The following PRKDC variants were observed in gnomAD, a reference collection of about 807,000 sequenced individuals.
PRKDC encodes the protein protein kinase, DNA-activated, catalytic subunit, also known as DNA-dependent protein kinase catalytic subunit.
In PRKDC, 82 loss-of-function variants were observed where a neutral mutation model predicts 486.9. The ratio of observed to expected loss-of-function variants is 0.17; its 90% CI spans 0.14 to 0.20. The LOEUF (loss-of-function observed/expected upper bound fraction) is 0.20. Among genes scored for constraint, PRKDC ranks in the 10% least tolerant of loss-of-function variants. The probability of loss-of-function intolerance (pLI) is 1.00; values close to 1 mark genes in which losing one functional copy is unlikely to be tolerated. For synonymous variants in PRKDC, 1,895 were observed against 1,837.0 expected, an observed-to-expected ratio of 1.03 and a Z score of -0.81; for missense variants, 4,504 against 5,038.2, an observed-to-expected ratio of 0.89 and a Z score of 3.21.
chr8:47,959,538 G>A (rs1356451072), intron 1 of PRKDC, among the ~76,000 whole-genome samples: 10 of 151,938 alleles, frequency 6.6e-5, no homozygotes, highest in Admixed American at 5.9e-4. Flanking sequence ...AATTAGCCGG[G>A]CGTGGTGGCG....
rs180873378 is a variant in PRKDC, at chr8:47,848,370, A to T, written c.7280+784T>A. Among the ~76,000 whole-genome samples the T allele has an allele frequency of 5.9e-5, 9 of 152,314 alleles. No individual in the cohort carries two copies. The East Asian group carries it at 1.2e-3, about 20-fold the overall frequency. ...AGCTGGAGGCCACTGTCCTAAGTGA[A>T]CTAGTACAGAAACAGAAAAGCAAAT... is the stretch of plus-strand genomic sequence containing the variant. On this transcript the variant is annotated intron_variant, in intron 54 of 85. Transcript: ENST00000314191.
rs1175305155 is a variant in PRKDC, at chr8:47,915,385, T to C, written c.2560A>G (p.Arg854Gly). The change falls in exon 23 of 86, where the codon AGA (arginine) becomes GGA (glycine). Residue 854 changes from arginine (R) to glycine (G), a missense_variant. By Grantham distance (125) the Arg-to-Gly change is moderately radical. Around this residue, in one of 6 missense-constraint regions of PRKDC, gnomAD observed 1,969 missense variants for 2,068.9 expected, o/e 0.95. Transcript: ENST00000314191. ...EAISLEEIRI[R>G]VVQMLGSLGG... ...AGAGATCCAAGCATTTGTACTACTC[T>C]AATTCTTATTTCTTCTAAGGATATT... The C allele has an allele frequency of 2.6e-6, 4 of 1,567,026 alleles. No homozygotes were observed. The highest frequency in any genetic ancestry group is 2.6e-6 in the Non-Finnish European group (3 of 1,151,012).
intron 74 of PRKDC, 116 bp from the exon 75 acceptor site, chr8:47,789,354 T>A (rs1250198816): frequency 1.1e-5 from 3 of 283,992 alleles, no homozygotes; most frequent in Non-Finnish European, 1.8e-5. Flanking sequence ...ATAATGTATG[T>A]TATATATAAC....
chr8:47,872,067 A>G (rs1240049930), intron 40 of PRKDC, among the ~76,000 whole-genome samples: 1 of 152,238 alleles, frequency 6.6e-6, no homozygotes, highest in Non-Finnish European at 1.5e-5. Flanking sequence ...ATCAAAAATA[A>G]TAACTTTTCC....
intron 56 of PRKDC, among the ~76,000 whole-genome samples, chr8:47,837,852 G>C (rs1040283825): frequency 6.6e-6 from 1 of 151,996 alleles, no homozygotes; most frequent in African/African-American, 2.4e-5. Flanking sequence ...TACCAAATTA[G>C]GGGTCAGGTG....
intron 52 of PRKDC, 75 bp downstream of exon 52, chr8:47,852,598 C>T (rs2088433931): frequency 1.1e-6 from 1 of 870,550 alleles, no homozygotes; most frequent in Admixed American, 3.1e-5. Context: ...AAGAAATAAA[C>T]ATATAAGTAT....
chr8:47,918,142 A>C (rs2090016936), intron 22 of PRKDC, 135 bp downstream of exon 22: 5 of 549,574 alleles, frequency 9.1e-6, no homozygotes, highest in Non-Finnish European at 1.5e-5. Context: ...CAATATATTA[A>C]AATTATTTTT....
rs757759628 is a variant in PRKDC, at chr8:47,776,238, G to A, written c.12182+606C>T. ...GACCTAACTTCATTCTTTTGCCAGCGCTATTTGTTGGAAAGGTCACTGAAT... is the reference window on the plus strand; with the variant it reads ...GACCTAACTTCATTCTTTTGCCAGCACTATTTGTTGGAAAGGTCACTGAAT... On this transcript the variant is annotated intron_variant, in intron 85 of 85. Coordinates refer to ENST00000314191, the MANE Select transcript of PRKDC (RefSeq NM_006904.7). Among the ~76,000 whole-genome samples, 10 of 152,216 alleles carry A rather than the reference G, an allele frequency of 6.6e-5. No homozygotes were observed. The East Asian group carries it at 9.7e-4, about 15-fold the overall frequency.
At chr8:47,926,631 C>T (rs1396041889) in intron 21 of PRKDC, among the ~76,000 whole-genome samples, 1 of 152,158 alleles carries the variant, frequency 6.6e-6, no homozygotes, top group South Asian at 2.1e-4. Context: ...CTGTGCCCCA[C>T]CCCAACTCTG....
intron 21 of PRKDC, among the ~76,000 whole-genome samples, chr8:47,921,144 A>C (rs1193438011): frequency 1.3e-5 from 2 of 151,996 alleles, no homozygotes; most frequent in Non-Finnish European, 2.9e-5. Context: ...ATTCCCAGCT[A>C]CTCGGGAGGC....
At position 47,777,764 on chromosome 8, in the gene PRKDC, G is replaced by C; in HGVS notation, c.11964C>G (p.Leu3988=). 2 of 1,613,912 alleles carry C rather than the reference G, an allele frequency of 1.2e-6. No individual in the cohort carries two copies. The highest frequency in any genetic ancestry group is 1.7e-6 in the Non-Finnish European group (2 of 1,179,848). Residue 3988 remains leucine (L), a synonymous_variant, in exon 84 of 86, where the codon CTC becomes CTG. Transcript: ENST00000314191. ...GLMYSIMVHA[L]RAFRSDPGLL... ...GGCCAGGGTCTGAGCGGAAGGCCCG[G>C]AGTGCGTGTACCATGATGCTGTACA...
chr8:47,939,778 T>C (rs891421752), intron 10 of PRKDC, 81 bp from the exon 11 acceptor site: 3 of 1,197,232 alleles, frequency 2.5e-6, no homozygotes, highest in Non-Finnish European at 2.3e-6. Context: ...CTAGAACTGT[T>C]TAGATGCTAC....
intron 25 of PRKDC, among the ~76,000 whole-genome samples, chr8:47,906,622 CA>C (rs35230621): frequency 0.038 from 5,174 of 137,586 alleles, 139 homozygotes; most frequent in Middle Eastern, 0.086. Context: ...GAGATTCCGT[CA>C]AAAAAAAAAA....
intron 7 of PRKDC, among the ~76,000 whole-genome samples, chr8:47,950,420 A>G (rs1403877643): frequency 6.6e-6 from 1 of 151,764 alleles, no homozygotes; most frequent in Non-Finnish European, 1.5e-5. Context: ...GGTGAGGAGA[A>G]TGAGACCATC....
rs2086557509 is a variant in PRKDC, at chr8:47,773,626, A to G, written c.*547T>C. 1 of 220,414 alleles carries G rather than the reference A, an allele frequency of 4.5e-6. No homozygotes were observed. The highest frequency in any genetic ancestry group is 9.1e-6 in the Non-Finnish European group (1 of 110,078). 13.7% of individuals were successfully genotyped at this position (220,414 alleles called of 1,614,324 possible). A position where few individuals can be genotyped will look rare whatever the true frequency, so the allele number is the denominator to read the frequency against. ...ATGAAAGGAAAAAACCTAGAAAAAT[A>G]TCCTAAAATATCAAATGCAGTCATT... is the stretch of plus-strand genomic sequence containing the variant. On this transcript the variant is annotated 3_prime_UTR_variant, in exon 86 of 86. Transcript: ENST00000314191.
chr8:47,930,607 C>A, intron 17 of PRKDC, 65 bp downstream of exon 17: 11 of 1,443,408 alleles, frequency 7.6e-6, no homozygotes, highest in Non-Finnish European at 1.0e-5. Context: ...TAAGGAATTT[C>A]CTATATTACA....
intron 80 of PRKDC, among the ~76,000 whole-genome samples, chr8:47,781,762 T>C (rs1009789874): frequency 5.3e-5 from 8 of 152,206 alleles, no homozygotes; most frequent in Non-Finnish European, 1.2e-4. Context: ...TTACTTGACC[T>C]TTCTGGGCCT....
chr8:47,936,048 T>C, intron 12 of PRKDC, 148 bp from the exon 13 acceptor site: 1 of 851,920 alleles, frequency 1.2e-6, no homozygotes, highest in Non-Finnish European at 1.7e-6. Flanking sequence ...TTAACATGTA[T>C]TACTGTGATT....
intron 29 of PRKDC, 22 bp downstream of exon 29, chr8:47,898,448 A>C: frequency 6.6e-7 from 1 of 1,526,092 alleles, no homozygotes; most frequent in Non-Finnish European, 8.9e-7. Flanking sequence ...GAAAAGACGG[A>C]AAAGGAAGCA....
Sources: gnomAD v4.1 joint callset for allele counts (sites outside exome capture counted in the v4.1 genomes callset) on GRCh38, gnomAD v4.1.1 for gene constraint, gnomAD v4.1.1 regional missense constraint, MANE v1.5 for transcripts, NCBI Gene and HGNC (gene_info 2026-07-23, HGNC 2026-07-21) for gene names.